Variants in TAF4 observed in about 807,000 individuals in gnomAD.
TAF4 encodes TATA-box binding protein associated factor 4.
Under a neutral mutation model 90.3 loss-of-function variants are expected in TAF4, and 9 were observed. That is an observed-to-expected ratio of 0.10 (90% confidence interval 0.06 to 0.17). The LOEUF (loss-of-function observed/expected upper bound fraction) is 0.17. TAF4 is among the 10% of genes least tolerant of loss of function. The probability of loss-of-function intolerance (pLI) is 1.00; values close to 1 mark genes in which losing one functional copy is unlikely to be tolerated. For synonymous variants in TAF4, 818 were observed against 638.9 expected (o/e 1.28, Z -4.23); for missense variants, 1,351 against 1,370.7 (o/e 0.99, Z 0.23).
intron 14 of TAF4, among the ~76,000 whole-genome samples, chr20:61,987,646 T>C (rs886300338): frequency 6.6e-6 from 1 of 152,248 alleles, no homozygotes; most frequent in African/African-American, 2.4e-5. Context: ...GCGCGGCTGC[T>C]GGAAGACAGT....
chr20:62,040,179 T>C (rs1037586686), intron 1 of TAF4, among the ~76,000 whole-genome samples: 12 of 152,244 alleles, frequency 7.9e-5, no homozygotes, highest in African/African-American at 2.4e-4. Context: ...GAAACATTCA[T>C]AGAAGCATTG....
chr20:62,022,063 G>C (rs1456872796), intron 1 of TAF4, among the ~76,000 whole-genome samples: 1 of 150,738 alleles, frequency 6.6e-6, no homozygotes, highest in Non-Finnish European at 1.5e-5. Flanking sequence ...GAACACCCCA[G>C]GATGGACCCC....
At chr20:62,041,917 A>G (rs2055965938) in intron 1 of TAF4, among the ~76,000 whole-genome samples, 1 of 135,702 alleles carries the variant, frequency 7.4e-6, no homozygotes, top group South Asian at 2.2e-4. Context: ...CCTATCTCCT[A>G]AAAAAAAAAA....
intron 1 of TAF4, among the ~76,000 whole-genome samples, chr20:62,019,341 C>T (rs571529113): frequency 1.2e-3 from 190 of 152,354 alleles, no homozygotes; most frequent in Non-Finnish European, 2.1e-3. Context: ...GCCCGCTCCC[C>T]GGGCGCACTT....
intron 14 of TAF4, among the ~76,000 whole-genome samples, chr20:61,977,267 C>T (rs1198811359): frequency 2.6e-5 from 4 of 152,178 alleles, no homozygotes; most frequent in East Asian, 1.9e-4. Context: ...CACCGCCCAG[C>T]GGGGCACGTG....
Position 62,064,647 on chromosome 20 carries a change from G to A in TAF4, c.1164C>T (p.Ala388=), listed in dbSNP as rs925754005. ...TMQGALPSPA[A]VPPPAPGTPT... ...GGGTCCCGGGGGCGGGCGGCGGGAC[G>A]GCGGCCGGGCTGGGCAGCGCCCCTT... The change falls in exon 1 of 15, where the codon GCC becomes GCT. Residue 388 remains alanine, a synonymous_variant. Coordinates refer to ENST00000252996, the MANE Select transcript of TAF4 (RefSeq NM_003185.4). 7 of 1,325,502 alleles carry A rather than the reference G, an allele frequency of 5.3e-6. No homozygotes were observed. The African/African-American group carries it at 7.8e-5, about 15-fold the overall frequency. The allele number at this position is 1,325,502 out of a possible 1,614,324, so 82.1% of individuals were successfully genotyped here. A position where few individuals can be genotyped will look rare whatever the true frequency, so the allele number is the denominator to read the frequency against.
chr20:62,006,899 G>T lies in TAF4; in HGVS notation c.1975-141C>A. On this transcript the variant is annotated intron_variant, in intron 6 of 14. Coordinates refer to ENST00000252996, the MANE Select transcript of TAF4 (RefSeq NM_003185.4). The surrounding 1 kb of genome is among the most constrained non-coding windows in gnomAD (Gnocchi z 7.0). The stretch of plus-strand genomic sequence containing the variant: ...TCTTGGCCCTCACGGCAGCATGTCT[G>T]GATGTCAAGGGCCAGGACCCCATCC... 1 of 1,190,298 alleles carries T rather than the reference G, an allele frequency of 8.4e-7. No homozygotes were observed. Among genetic ancestry groups the T allele is most frequent in the Non-Finnish European group, 1.1e-6 (1 of 922,084 alleles). The allele number at this position is 1,190,298 out of a possible 1,614,324, so 73.7% of individuals were successfully genotyped here.
chr20:62,048,778 T>C (rs143683631), intron 1 of TAF4, among the ~76,000 whole-genome samples: 12 of 132,586 alleles, frequency 9.1e-5, no homozygotes, highest in Non-Finnish European at 1.7e-4. Context: ...CCTGCAGCCC[T>C]CTCCCCGCAT....
intron 14 of TAF4, among the ~76,000 whole-genome samples, chr20:61,994,282 T>C (rs2055650080): frequency 6.6e-6 from 1 of 152,242 alleles, no homozygotes; most frequent in East Asian, 1.9e-4. Context: ...CACTCAGGCC[T>C]AGGCCCAGGT....
chr20:62,033,253 T>C (rs1452455380), intron 1 of TAF4, among the ~76,000 whole-genome samples: 2 of 152,150 alleles, frequency 1.3e-5, no homozygotes, highest in Non-Finnish European at 2.9e-5. Context: ...GGGAGCCACC[T>C]GCCAAGATGC....
chr20:61,986,122 A>G (rs111509248), intron 14 of TAF4, among the ~76,000 whole-genome samples: 3 of 122,102 alleles, frequency 2.5e-5, no homozygotes, highest in African/African-American at 9.4e-5. Flanking sequence ...ACCAAAGGAA[A>G]CACCATCCCC....
At chr20:62,007,072 G>A in intron 6 of TAF4, 1 of 311,040 alleles carries the variant, frequency 3.2e-6, no homozygotes, top group Non-Finnish European at 5.8e-6. Context: ...CCAACACATG[G>A]AAATAAGTAC....
At chr20:61,982,674 CCCCACCTGAGAGGAGACACCA>C (rs2055557493) in intron 14 of TAF4, among the ~76,000 whole-genome samples, 1 of 28,788 alleles carries the variant, frequency 3.5e-5, no homozygotes, top group African/African-American at 1.4e-4. Context: ...CAAACCCACA[CCCCACCTGAGAGGAGACACCA>C]AACCCACACC....
intron 1 of TAF4, among the ~76,000 whole-genome samples, chr20:62,016,525 T>C (rs1246358713): frequency 6.6e-6 from 1 of 152,178 alleles, no homozygotes; most frequent in Non-Finnish European, 1.5e-5. Context: ...TCCAAGTTCT[T>C]CAGCTTTTAG....
In TAF4 at chr20:62,064,242, G is replaced by A. The variant is rs2056107705; in HGVS notation, c.1360+209C>T. On this transcript the variant is annotated intron_variant, in intron 1 of 14. Coordinates refer to ENST00000252996, the MANE Select transcript of TAF4 (RefSeq NM_003185.4). ...CGCGGACGTCAGGGACAGCGACAGG[G>A]ACGCAGGCTATGCCGACTCCCTCTG... 8.5e-6 allele frequency: 4 copies of A among 471,552 alleles called. No individual in the cohort carries two copies. The Admixed American group carries it at 1.3e-4, about 16-fold the overall frequency. The allele number at this position is 471,552 out of a possible 1,614,324, so 29.2% of individuals were successfully genotyped here. A position where few individuals can be genotyped will look rare whatever the true frequency, so the allele number is the denominator to read the frequency against.
chr20:62,012,396 G>A (rs569502741), intron 3 of TAF4: 37 of 154,448 alleles, frequency 2.4e-4, no homozygotes, highest in Non-Finnish European at 4.7e-4. Flanking sequence ...CAGTGAGAGC[G>A]ACGCCTCGGC....
rs768792254 is a variant in TAF4 at position 62,006,496 on chromosome 20, C to T, written c.2223+14G>A. ...CGGTGGGCTGTGCAGACCAGTCAGGCGCCCCTTCCATACCAGCGGTGTGGG... is the reference window on the plus strand; with the variant it reads ...CGGTGGGCTGTGCAGACCAGTCAGGTGCCCCTTCCATACCAGCGGTGTGGG... On this transcript the variant is annotated intron_variant, in intron 7 of 14. Transcript: ENST00000252996. This position sits in a 1 kb window ranked among gnomAD's most constrained non-coding sequence, Gnocchi z 7.0. 151 of 1,494,282 alleles carry T rather than the reference C, an allele frequency of 1.0e-4. No individual in the cohort carries two copies. Among genetic ancestry groups the T allele is most frequent in the Non-Finnish European group, 1.1e-4 (120 of 1,121,910 alleles). The allele number at this position is 1,494,282 out of a possible 1,614,324, so 92.6% of individuals were successfully genotyped here. A position where few individuals can be genotyped will look rare whatever the true frequency, so the allele number is the denominator to read the frequency against.
intron 1 of TAF4, among the ~76,000 whole-genome samples, chr20:62,019,786 C>A (rs1404901063): frequency 6.6e-6 from 1 of 152,244 alleles, no homozygotes; most frequent in African/African-American, 2.4e-5. Flanking sequence ...CAACAGTTTT[C>A]CTGATTCCTT....
intron 1 of TAF4, among the ~76,000 whole-genome samples, chr20:62,051,792 C>A (rs1435486740): frequency 2.0e-5 from 3 of 152,218 alleles, no homozygotes; most frequent in East Asian, 3.9e-4. Flanking sequence ...CCTCCTGCAG[C>A]CATCACTGGC....
Sources: gnomAD v4.1 joint callset for allele counts (sites outside exome capture counted in the v4.1 genomes callset) on GRCh38, gnomAD v4.1.1 for gene constraint, Gnocchi (gnomAD v3.1) non-coding constraint, MANE v1.5 for transcripts, NCBI Gene and HGNC (gene_info 2026-07-23, HGNC 2026-07-21) for gene names.